The following SH2B1 variants were observed in gnomAD, a reference collection of about 807,000 sequenced individuals.
SH2B1 encodes the protein SH2B adaptor protein 1, also known as SH2B adapter protein 1.
Under a neutral mutation model 62.6 loss-of-function variants are expected in SH2B1, and 15 were observed. The observed-to-expected ratio is 0.24, with a 90% CI of 0.16 to 0.37. The LOEUF (loss-of-function observed/expected upper bound fraction) is 0.37. Ranked by LOEUF, SH2B1 falls within the 10% of genes least tolerant of loss-of-function variation. The pLI is 1.00. For synonymous variants in SH2B1, 443 were observed against 438.0 expected, an observed-to-expected ratio of 1.01 and a Z score of -0.14; for missense variants, 925 against 1,015.6, an observed-to-expected ratio of 0.91 and a Z score of 1.21.
intron 1 of SH2B1, among the ~76,000 whole-genome samples, chr16:28,855,244 G>T (rs996237978): frequency 6.6e-6 from 1 of 151,234 alleles, no homozygotes; most frequent in South Asian, 2.1e-4. Flanking sequence ...TGTTGAGACA[G>T]AATCTCACTC....
At chr16:28,852,691 T>C (rs1463409657) in intron 1 of SH2B1, among the ~76,000 whole-genome samples, 2 of 80,842 alleles carry the variant, frequency 2.5e-5, no homozygotes, top group Non-Finnish European at 4.4e-5. Context: ...TACATATATA[T>C]TTATATATAT....
chr16:28,850,627 A>G (rs897772664), intron 1 of SH2B1, among the ~76,000 whole-genome samples: 1 of 152,082 alleles, frequency 6.6e-6, no homozygotes, highest in Non-Finnish European at 1.5e-5. Context: ...TGGGACGCTA[A>G]GGTGGGCGGA....
intron 1 of SH2B1, among the ~76,000 whole-genome samples, chr16:28,853,132 A>C (rs1235786625): frequency 4.6e-5 from 6 of 130,620 alleles, no homozygotes; most frequent in Non-Finnish European, 9.4e-5. Context: ...ATTTATGTAT[A>C]CATTTATATA....
chr16:28,850,901 G>T (rs1321848896), intron 1 of SH2B1, among the ~76,000 whole-genome samples: 3 of 149,428 alleles, frequency 2.0e-5, no homozygotes, highest in African/African-American at 7.4e-5. Context: ...AGGGCCGGAC[G>T]TGGTGGCTCA....
At chr16:28,850,729 C>T (rs1001075839) in intron 1 of SH2B1, among the ~76,000 whole-genome samples, 3 of 150,716 alleles carry the variant, frequency 2.0e-5, no homozygotes, top group African/African-American at 7.3e-5. Flanking sequence ...AGTGGTGGCA[C>T]GTGCCTGTAG....
intron 1 of SH2B1, among the ~76,000 whole-genome samples, chr16:28,857,006 G>A (rs1397365822): frequency 6.6e-6 from 1 of 152,178 alleles, no homozygotes; most frequent in Non-Finnish European, 1.5e-5. Flanking sequence ...CTTGAGGCCA[G>A]CCCCAGTGGC....
At position 28,871,007 on chromosome 16, in the gene SH2B1, G is replaced by A. The variant is rs1009742301; in HGVS notation, c.1310-773G>A. On this transcript the variant is annotated intron_variant, in intron 4 of 7. Coordinates refer to ENST00000684370, the MANE Select transcript of SH2B1 (RefSeq NM_001387430.1). ...CAGCCAGAATTCCGTGTGTGTGTGT[G>A]TGTGTGTGTGTGTGTGTGTGTGTGT... is the stretch of plus-strand genomic sequence containing the variant. 2.9e-3 allele frequency among the ~76,000 whole-genome samples: 439 copies of A among 151,080 alleles called. 2 individuals carry two copies. Among genetic ancestry groups the A allele is most frequent in the African/African-American group, 0.01 (415 of 41,210 alleles).
Position 28,852,841 on chromosome 16 carries a change from CAT to C in SH2B1, c.-301+6023_-301+6024del, listed in dbSNP as rs1285490068. Among the ~76,000 whole-genome samples the C allele has an allele frequency of 5.4e-3, 177 of 32,726 alleles. 23 individuals are homozygous for C. The highest frequency in any genetic ancestry group is 0.011 in the East Asian group (22 of 2,044). The allele number at this position is 32,726 out of a possible 152,430, so 21.5% of individuals were successfully genotyped here. ...TTACATATATATTTATATATATATACATATATATATTTTTATATATATTTACA... is the reference window on the plus strand; with the variant it reads ...TTACATATATATTTATATATATATACATATATATTTTTATATATATTTACA... On this transcript the variant is annotated intron_variant, in intron 1 of 10. Coordinates refer to the SH2B1 transcript ENST00000322610.
At position 28,869,336 on chromosome 16, in the gene SH2B1, A is replaced by C. The variant is rs1962905087; in HGVS notation, c.1262A>C (p.Gln421Pro). 1 of 1,613,976 alleles carries C rather than the reference A, an allele frequency of 6.2e-7. No homozygotes were observed. The highest frequency in any genetic ancestry group is 1.3e-5 in the African/African-American group (1 of 74,920). Residue 421 changes from glutamine to proline, a missense_variant, in exon 4 of 8, where the codon CAG (glutamine) becomes CCG (proline). Coordinates refer to ENST00000684370, the MANE Select transcript of SH2B1 (RefSeq NM_001387430.1). ...AATCACTCGGAGAGTCTACCCAGCC[A>C]GGACCTGCTGCTTGGACCCAGCGAG... is the stretch of plus-strand genomic sequence containing the variant. ...CLNHSESLPS[Q>P]DLLLGPSESN... is the part of the protein sequence containing the mutation.
At chr16:28,871,720 A>G in intron 4 of SH2B1, 60 bp from the exon 5 acceptor site, 1 of 1,386,102 alleles carries the variant, frequency 7.2e-7, no homozygotes, top group Non-Finnish European at 1.0e-6. Context: ...AGATGGGCCC[A>G]GGACAGTCCT....
Position 28,872,911 on chromosome 16 carries a change from C to T in SH2B1, c.1897+206C>T, listed in dbSNP as rs554516711. ...CACAGGAAGGCAGAAGGCTCCTGGC[C>T]GGAGCCGGGGCGGCAGCTGAGAGGT... is the stretch of plus-strand genomic sequence containing the variant. On this transcript the variant is annotated intron_variant, in intron 7 of 7. Transcript: ENST00000684370. The surrounding 1 kb of genome is among the most constrained non-coding windows in gnomAD (Gnocchi z 5.3). The T allele has an allele frequency of 3.0e-5, 22 of 734,990 alleles. No homozygotes were observed. The highest frequency in any genetic ancestry group is 1.6e-4 in the South Asian group (9 of 55,880). The allele number at this position is 734,990 out of a possible 1,614,324, so 45.5% of individuals were successfully genotyped here. A position where few individuals can be genotyped will look rare whatever the true frequency, so the allele number is the denominator to read the frequency against.
At position 28,865,013 on chromosome 16, in the gene SH2B1, G is replaced by A; in HGVS notation, c.-1082G>A. On this transcript the variant is annotated 5_prime_UTR_variant, in exon 1 of 8. Transcript: ENST00000684370. ...TTCAAGATAACATCGCTCATAAGGT[G>A]GCTGGACTGGGTGCTCATAAGGTGG... 1.2e-6 allele frequency: 1 copy of A among 804,364 alleles called. No individual in the cohort carries two copies. Among genetic ancestry groups the A allele is most frequent in the Non-Finnish European group, 1.5e-6 (1 of 664,804 alleles). The allele number at this position is 804,364 out of a possible 1,614,324, so 49.8% of individuals were successfully genotyped here.
At chr16:28,871,111 G>A (rs1963005409) in intron 4 of SH2B1, among the ~76,000 whole-genome samples, 1 of 151,978 alleles carries the variant, frequency 6.6e-6, no homozygotes, top group Non-Finnish European at 1.5e-5. Context: ...TCTGCCTCCC[G>A]GGTTCAAGCA....
intron 1 of SH2B1, among the ~76,000 whole-genome samples, chr16:28,856,045 G>A (rs1962317510): frequency 6.7e-6 from 1 of 150,132 alleles, no homozygotes; most frequent in Non-Finnish European, 1.5e-5. Flanking sequence ...GGGACACCGA[G>A]GTGGATGAAT....
At position 28,852,440 on chromosome 16, in the gene SH2B1, A is replaced by T. The variant is rs1209213137; in HGVS notation, c.-301+5613A>T. 2.7e-4 allele frequency among the ~76,000 whole-genome samples: 16 copies of T among 58,972 alleles called. 3 individuals carry two copies. The highest frequency in any genetic ancestry group is 2.2e-3 in the Admixed American group (8 of 3,590). 38.7% of individuals were successfully genotyped at this position (58,972 alleles called of 152,430 possible). A position where few individuals can be genotyped will look rare whatever the true frequency, so the allele number is the denominator to read the frequency against. Reference sequence around the variant, plus strand: ...TTTATATATTTACATATATATTTATATATATATTTACATATATATTTATAT... The same window carrying T: ...TTTATATATTTACATATATATTTATTTATATATTTACATATATATTTATAT... On this transcript the variant is annotated intron_variant, in intron 1 of 10. Transcript: ENST00000322610.
In SH2B1 at chr16:28,865,930, C is replaced by G. The variant is rs558890526; in HGVS notation, c.-165C>G. The G allele has an allele frequency of 1.4e-6, 2 of 1,417,012 alleles. No homozygotes were observed. Among genetic ancestry groups the G allele is most frequent in the Non-Finnish European group, 1.8e-6 (2 of 1,091,010 alleles). The allele number at this position is 1,417,012 out of a possible 1,614,324, so 87.8% of individuals were successfully genotyped here. A position where few individuals can be genotyped will look rare whatever the true frequency, so the allele number is the denominator to read the frequency against. On this transcript the variant is annotated 5_prime_UTR_variant, in exon 1 of 8. Transcript: ENST00000684370. ...CTGCGGAGTCTGAAGTAGGGTCGGA[C>G]GTCTCTGGCTGGGGGTGGGATGCAG... is the stretch of plus-strand genomic sequence containing the variant.
intron 1 of SH2B1, among the ~76,000 whole-genome samples, chr16:28,853,865 G>A (rs1334069187): frequency 6.6e-6 from 1 of 151,600 alleles, no homozygotes; most frequent in Admixed American, 6.6e-5. Context: ...CCGGGCGTAG[G>A]TGGTGCACGC....
At position 28,852,831 on chromosome 16, in the gene SH2B1, T is replaced by A. The variant is rs1227669604; in HGVS notation, c.-301+6004T>A. Among the ~76,000 whole-genome samples, 2 of 27,732 alleles carry A rather than the reference T, an allele frequency of 7.2e-5. 1 individual carries two copies. Among genetic ancestry groups the A allele is most frequent in the Admixed American group, 1.4e-3 (2 of 1,464 alleles). 18.2% of individuals were successfully genotyped at this position (27,732 alleles called of 152,430 possible). On this transcript the variant is annotated intron_variant, in intron 1 of 10. Transcript: ENST00000322610. ...TTACATATATTTACATATATATTTA[T>A]ATATATATACATATATATATTTTTA...
Position 28,872,581 on chromosome 16 carries a change from C to T in SH2B1, c.1773C>T (p.His591=), listed in dbSNP as rs866807028. The change falls in exon 7 of 8, where the codon CAC becomes CAT. Residue 591 remains histidine (H), a synonymous_variant. Transcript: ENST00000684370. The surrounding 1 kb of genome is among the most constrained non-coding windows in gnomAD (Gnocchi z 5.3). ...LNEEGQCRVQ[H]LWFQSIFDML... ...AGGAGGGTCAGTGCCGGGTCCAGCA[C>T]CTGTGGTTCCAGTCCATTTTCGATA... The T allele has an allele frequency of 6.2e-7, 1 of 1,614,172 alleles. No homozygotes were observed.
Sources: allele counts gnomAD v4.1 joint callset (sites outside exome capture counted in the v4.1 genomes callset), GRCh38; gene constraint gnomAD v4.1.1; non-coding constraint Gnocchi (gnomAD v3.1); transcripts MANE v1.5; gene names NCBI Gene and HGNC (gene_info 2026-07-23, HGNC 2026-07-21).